Variants in GRM8 observed in about 807,000 individuals in gnomAD.
The protein encoded by GRM8 is metabotropic glutamate receptor 8.
Under a neutral mutation model 87.2 loss-of-function variants are expected in GRM8, and 47 were observed. The observed-to-expected ratio is 0.54, with a 90% CI of 0.43 to 0.69. GRM8 has a LOEUF of 0.69. GRM8 is among the 30% of genes least tolerant of loss of function. The probability of loss-of-function intolerance (pLI) is 0.00; values close to 1 mark genes in which losing one functional copy is unlikely to be tolerated. For synonymous variants in GRM8, 396 were observed against 404.5 expected, an observed-to-expected ratio of 0.98 and a Z score of 0.25; for missense variants, 1,019 against 1,139.2, an observed-to-expected ratio of 0.89 and a Z score of 1.52.
rs568978290 is a variant in GRM8 at position 126,974,079 on chromosome 7, G to A, written c.728-69396C>T. Among the ~76,000 whole-genome samples the A allele has an allele frequency of 3.0e-4, 46 of 152,264 alleles. 1 individual carries two copies. The highest frequency in any genetic ancestry group is 1.0e-3 in the African/African-American group (42 of 41,550). ...TCAACATACACAAACTTTGTTTCAT[G>A]AACAAAATTATTTAAGATATTGAAT... On this transcript the variant is annotated intron_variant, in intron 3 of 10. Transcript: ENST00000339582.
At chr7:127,019,402 T>C (rs981856752) in intron 3 of GRM8, among the ~76,000 whole-genome samples, 1 of 152,192 alleles carries the variant, frequency 6.6e-6, no homozygotes, top group African/African-American at 2.4e-5. Context: ...CTATAGCAAA[T>C]GGTTAGACAT....
intron 3 of GRM8, among the ~76,000 whole-genome samples, chr7:127,103,894 G>C (rs987073426): frequency 6.6e-6 from 1 of 152,162 alleles, no homozygotes; most frequent in South Asian, 2.1e-4. Context: ...AACTAGGGAA[G>C]AGCCATCACT....
intron 7 of GRM8, among the ~76,000 whole-genome samples, chr7:126,663,817 A>G (rs1212715900): frequency 6.6e-6 from 1 of 152,158 alleles, no homozygotes; most frequent in Non-Finnish European, 1.5e-5. Context: ...AAAAGAAATC[A>G]AAGGCATCCA....
At chr7:127,212,412 T>TTA (rs1796266637) in intron 2 of GRM8, among the ~76,000 whole-genome samples, 3 of 75,910 alleles carry the variant, frequency 4.0e-5, no homozygotes, top group African/African-American at 1.1e-4. Flanking sequence ...ATGGTGTTAT[T>TTA]TTTTTTTTTT....
intron 2 of GRM8, among the ~76,000 whole-genome samples, chr7:127,171,138 A>T (rs1243300373): frequency 6.6e-6 from 1 of 152,174 alleles, no homozygotes; most frequent in South Asian, 2.1e-4. Context: ...ATGTGATGCA[A>T]ATAGCAAGAG....
intron 3 of GRM8, among the ~76,000 whole-genome samples, chr7:127,001,508 C>T (rs752137405): frequency 2.7e-4 from 41 of 151,512 alleles, no homozygotes; most frequent in Admixed American, 1.6e-3. Context: ...CTAAGTACAT[C>T]AAAAAATGCA....
At chr7:127,170,827 T>C (rs1793751875) in intron 2 of GRM8, among the ~76,000 whole-genome samples, 2 of 152,130 alleles carry the variant, frequency 1.3e-5, no homozygotes, top group Middle Eastern at 3.4e-3. Context: ...ACAACGGACT[T>C]TGGGGACTCA....
chr7:126,987,792 T>C lies in GRM8; in HGVS notation c.728-83109A>G, dbSNP rs911131060. 2.6e-5 allele frequency among the ~76,000 whole-genome samples: 4 copies of C among 152,154 alleles called. No homozygotes were observed. In the South Asian group the frequency reaches 8.3e-4, roughly 32 times the overall value. The stretch of plus-strand genomic sequence containing the variant: ...TGTTTACAGTTTTATCTCCAACACA[T>C]GTACCTGAGCAGACAAAGCATGATT... On this transcript the variant is annotated intron_variant, in intron 3 of 10. Transcript: ENST00000339582.
In GRM8 at chr7:126,585,088, A is replaced by G. The variant is rs539131873; in HGVS notation, c.1494+24274T>C. Among the ~76,000 whole-genome samples the G allele has an allele frequency of 4.6e-5, 7 of 152,334 alleles. No homozygotes were observed. In the East Asian group the frequency reaches 1.3e-3, roughly 29 times the overall value. ...TGAGTATAGCATCGCTTCTATTTAT[A>G]CAAATAAATGAAACCACAAACTTAT... On this transcript the variant is annotated intron_variant, in intron 8 of 10. Transcript: ENST00000339582.
chr7:126,993,199 A>G (rs1417746855), intron 3 of GRM8, among the ~76,000 whole-genome samples: 1 of 152,220 alleles, frequency 6.6e-6, no homozygotes, highest in Non-Finnish European at 1.5e-5. Context: ...GTAGGCATAT[A>G]CATAATAAAA....
chr7:126,805,691 T>G (rs1792604492), intron 6 of GRM8, among the ~76,000 whole-genome samples: 1 of 152,216 alleles, frequency 6.6e-6, no homozygotes, highest in Non-Finnish European at 1.5e-5. Context: ...GTTTATTCTG[T>G]TTGGTACCCA....
chr7:126,833,177 T>A (rs1009538873), intron 6 of GRM8, among the ~76,000 whole-genome samples: 2 of 152,212 alleles, frequency 1.3e-5, no homozygotes, highest in Non-Finnish European at 1.5e-5. Context: ...TGAAAACTTT[T>A]CTGCACCAAA....
chr7:127,110,057 C>T (rs1183404915), intron 2 of GRM8, among the ~76,000 whole-genome samples: 1 of 152,178 alleles, frequency 6.6e-6, no homozygotes, highest in Non-Finnish European at 1.5e-5. Flanking sequence ...TTTCCACTGG[C>T]TCTGTTTCTC....
Position 126,904,087 on chromosome 7 carries a change from C to T in GRM8, c.903G>A (p.Gly301=), listed in dbSNP as rs2234946. ...LEAAKKLNQS[G]HFLWIGSDSW... ...TATCTGAGCCAATCCAGAGAAAATG[C>T]CCACTTTGGTTTAGTTTTTTTGCTG... The change falls in exon 5 of 11, where the codon GGG becomes GGA. Residue 301 remains glycine (G), a synonymous_variant. Transcript: ENST00000339582. 26 of 1,611,196 alleles carry T rather than the reference C, an allele frequency of 1.6e-5. No homozygotes were observed. Among genetic ancestry groups the T allele is most frequent in the South Asian group, 3.3e-5 (3 of 90,788 alleles).
intron 3 of GRM8, among the ~76,000 whole-genome samples, chr7:127,010,867 T>C (rs368076138): frequency 4.0e-4 from 61 of 152,036 alleles, no homozygotes; most frequent in South Asian, 6.2e-4. Context: ...TCAAAGCCAC[T>C]TGTTGTGTAG....
At chr7:126,680,167 G>A (rs1476114135) in intron 7 of GRM8, among the ~76,000 whole-genome samples, 2 of 152,126 alleles carry the variant, frequency 1.3e-5, no homozygotes, top group African/African-American at 4.8e-5. Context: ...TCTCTGCTAT[G>A]GCAAGCTCCC....
chr7:126,630,683 T>C (rs2188296), intron 7 of GRM8, among the ~76,000 whole-genome samples: 46,665 of 151,854 alleles, frequency 0.31, 7,989 homozygotes, highest in East Asian at 0.43. Context: ...TTATCCAGGA[T>C]GATCAAGTAG....
At chr7:127,092,928 C>G (rs1258834283) in intron 3 of GRM8, among the ~76,000 whole-genome samples, 1 of 152,208 alleles carries the variant, frequency 6.6e-6, no homozygotes. Context: ...CTGCACCTGG[C>G]AAGCTGGCCT....
intron 7 of GRM8, among the ~76,000 whole-genome samples, chr7:126,735,640 T>C (rs1012784814): frequency 6.6e-6 from 1 of 152,050 alleles, no homozygotes; most frequent in Admixed American, 6.6e-5. Context: ...GTTACCGAGA[T>C]TAAGATAAAT....
Sources: allele counts gnomAD v4.1 joint callset (sites outside exome capture counted in the v4.1 genomes callset), GRCh38; gene constraint gnomAD v4.1.1; transcripts MANE v1.5; gene names NCBI Gene and HGNC (gene_info 2026-07-23, HGNC 2026-07-21).